The following SORCS1 variants were observed in gnomAD, a reference collection of about 807,000 sequenced individuals.
SORCS1 encodes the protein VPS10 domain-containing receptor SorCS1.
A neutral mutation model predicts 146.1 loss-of-function variants in SORCS1; 60 were observed. That is an observed-to-expected ratio of 0.41 (90% CI 0.33 to 0.51). SORCS1 has a LOEUF of 0.51. SORCS1 is among the 20% of genes least tolerant of loss of function. SORCS1 has a pLI of 0.21. For missense variants in SORCS1, 1,352 were observed against 1,487.6 expected (o/e 0.91, Z 1.50); for synonymous variants, 637 against 584.0 (o/e 1.09, Z -1.31).
chr10:106,818,675 A>T (rs1174708403), intron 3 of SORCS1, among the ~76,000 whole-genome samples: 1 of 152,234 alleles, frequency 6.6e-6, no homozygotes, highest in African/African-American at 2.4e-5. Context: ...TTTAATTAGC[A>T]TAGTAAGATA....
At chr10:106,630,335 G>C (rs1393124268) in intron 18 of SORCS1, among the ~76,000 whole-genome samples, 1 of 152,146 alleles carries the variant, frequency 6.6e-6, no homozygotes, top group African/African-American at 2.4e-5. Context: ...CAGATTCTTA[G>C]TCTAGTCTGG....
intron 3 of SORCS1, among the ~76,000 whole-genome samples, chr10:106,829,085 C>T (rs918413941): frequency 2.6e-5 from 4 of 152,222 alleles, no homozygotes; most frequent in Non-Finnish European, 5.9e-5. Flanking sequence ...CTGCTAAATG[C>T]ACTGCATTCA....
intron 6 of SORCS1, among the ~76,000 whole-genome samples, chr10:106,720,959 G>T (rs1441216986): frequency 6.6e-6 from 1 of 151,926 alleles, no homozygotes; most frequent in Non-Finnish European, 1.5e-5. Context: ...TGCTTTTCTG[G>T]GTGGTTGTTA....
intron 24 of SORCS1, among the ~76,000 whole-genome samples, chr10:106,590,083 G>A (rs1043575552): frequency 1.3e-5 from 2 of 151,956 alleles, no homozygotes; most frequent in African/African-American, 4.8e-5. Flanking sequence ...ATATTTGAGG[G>A]TATATATCTA....
chr10:107,097,931 T>G (rs1021449792), intron 1 of SORCS1, among the ~76,000 whole-genome samples: 1 of 152,178 alleles, frequency 6.6e-6, no homozygotes, highest in Non-Finnish European at 1.5e-5. Context: ...CATGAGACAA[T>G]GTAATACAGG....
chr10:106,765,267 C>G (rs1379572075), intron 4 of SORCS1, among the ~76,000 whole-genome samples: 2 of 152,060 alleles, frequency 1.3e-5, no homozygotes, highest in Admixed American at 6.6e-5. Flanking sequence ...CACCTGTGCT[C>G]AAGATCTATT....
At chr10:106,844,575 TA>T (rs1035822763) in intron 2 of SORCS1, among the ~76,000 whole-genome samples, 2 of 151,682 alleles carry the variant, frequency 1.3e-5, no homozygotes, top group Non-Finnish European at 2.9e-5. Context: ...TTTTTTTTTT[TA>T]ATTATTATTT....
rs1464040914 is a variant in SORCS1, at chr10:106,735,955, T to A, written c.960-5841A>T. 2.6e-5 allele frequency among the ~76,000 whole-genome samples: 4 copies of A among 152,222 alleles called. No individual in the cohort carries two copies. The East Asian group carries it at 7.7e-4, about 29-fold the overall frequency. On this transcript the variant is annotated intron_variant, in intron 5 of 25. Coordinates refer to ENST00000263054, the MANE Select transcript of SORCS1 (RefSeq NM_052918.5). ...ACAAAGCCCATTGCAGCCTCCTACA[T>A]CTATACTTCCAGTATCTTAAGTAGG...
intron 4 of SORCS1, among the ~76,000 whole-genome samples, 168 bp downstream of exon 4, chr10:106,776,366 C>G (rs1044273078): frequency 6.6e-6 from 1 of 152,202 alleles, no homozygotes; most frequent in African/African-American, 2.4e-5. Context: ...ATGATTTAAA[C>G]AAGCAACCTG....
chr10:106,924,270 A>G lies in SORCS1; in HGVS notation c.626+32243T>C, dbSNP rs11193106. Among the ~76,000 whole-genome samples, 734 of 147,540 alleles carry G rather than the reference A, an allele frequency of 5.0e-3. 12 individuals carry two copies. Among genetic ancestry groups the G allele is most frequent in the African/African-American group, 0.017 (668 of 40,432 alleles). On this transcript the variant is annotated intron_variant, in intron 2 of 25. Coordinates refer to ENST00000263054, the MANE Select transcript of SORCS1 (RefSeq NM_052918.5). ...ACTCCATCTCAAAAAAAAAAAAAAAACTACCTTTTAATTAAAAACAATTTG... is the reference window on the plus strand; with the variant it reads ...ACTCCATCTCAAAAAAAAAAAAAAAGCTACCTTTTAATTAAAAACAATTTG...
At chr10:107,110,037 C>A (rs1965587594) in intron 1 of SORCS1, among the ~76,000 whole-genome samples, 1 of 152,140 alleles carries the variant, frequency 6.6e-6, no homozygotes, top group African/African-American at 2.4e-5. Context: ...GCTTCAGTTC[C>A]CAAAAGCTCC....
At chr10:107,084,052 C>T (rs1205139608) in intron 1 of SORCS1, among the ~76,000 whole-genome samples, 2 of 151,550 alleles carry the variant, frequency 1.3e-5, no homozygotes, top group Non-Finnish European at 2.9e-5. Flanking sequence ...ATGTGAATGT[C>T]CACAGTAGGG....
chr10:107,072,042 TG>T (rs1052893438), intron 1 of SORCS1, among the ~76,000 whole-genome samples: 4 of 152,176 alleles, frequency 2.6e-5, no homozygotes, highest in Non-Finnish European at 5.9e-5. Flanking sequence ...CCTGGAGTGT[TG>T]GAAAAACTGC....
chr10:106,680,614 A>T (rs1589650224), intron 10 of SORCS1, among the ~76,000 whole-genome samples: 1 of 152,226 alleles, frequency 6.6e-6, no homozygotes, highest in East Asian at 1.9e-4. Flanking sequence ...TCTGATTGAA[A>T]TATCAACAGT....
intron 3 of SORCS1, among the ~76,000 whole-genome samples, chr10:106,804,390 A>C (rs1387810974): frequency 1.2e-5 from 1 of 85,214 alleles, no homozygotes; most frequent in African/African-American, 4.0e-5. Flanking sequence ...AAATAAAATA[A>C]ACCTAACAAA....
At chr10:107,039,511 G>A (rs1289706247) in intron 1 of SORCS1, among the ~76,000 whole-genome samples, 3 of 152,128 alleles carry the variant, frequency 2.0e-5, no homozygotes, top group African/African-American at 7.2e-5. Flanking sequence ...GTTCTGGTCT[G>A]ATTCTTTCCT....
chr10:107,007,862 T>C (rs1589915136), intron 1 of SORCS1, among the ~76,000 whole-genome samples: 1 of 152,166 alleles, frequency 6.6e-6, no homozygotes, highest in African/African-American at 2.4e-5. Context: ...CAAACGAACA[T>C]ACAACATATT....
At chr10:106,985,857 C>A (rs1956448605) in intron 1 of SORCS1, among the ~76,000 whole-genome samples, 1 of 151,868 alleles carries the variant, frequency 6.6e-6, no homozygotes, top group African/African-American at 2.4e-5. Context: ...TCACAACAGC[C>A]CTATGGTTAT....
intron 4 of SORCS1, among the ~76,000 whole-genome samples, chr10:106,763,297 T>C (rs1479092189): frequency 6.6e-6 from 1 of 152,184 alleles, no homozygotes; most frequent in Non-Finnish European, 1.5e-5. Context: ...CGCCAGCGTT[T>C]GTGGTTCTTT....
Sources: allele counts gnomAD v4.1 joint callset (sites outside exome capture counted in the v4.1 genomes callset), GRCh38; gene constraint gnomAD v4.1.1; transcripts MANE v1.5; gene names NCBI Gene and HGNC (gene_info 2026-07-23, HGNC 2026-07-21).